SLC44A5: variants seen among roughly 807,000 people sequenced by gnomAD.
SLC44A5 encodes solute carrier family 44 member 5.
SLC44A5 carries 57 observed loss-of-function variants against 101.8 expected under a neutral mutation model. That is an observed-to-expected ratio of 0.56 (90% CI 0.45 to 0.70). The LOEUF (loss-of-function observed/expected upper bound fraction) is 0.70. Ranked by LOEUF, SLC44A5 falls within the 30% of genes least tolerant of loss-of-function variation. The pLI is 0.00. For synonymous variants in SLC44A5, 281 were observed against 290.9 expected, an observed-to-expected ratio of 0.97 and a Z score of 0.35; for missense variants, 737 against 853.1, an observed-to-expected ratio of 0.86 and a Z score of 1.70.
At chr1:75,573,626 A>G (rs1381232620) in intron 1 of SLC44A5, among the ~76,000 whole-genome samples, 1 of 152,156 alleles carries the variant, frequency 6.6e-6, no homozygotes, top group Non-Finnish European at 1.5e-5. Context: ...CGTCCTGACT[A>G]CTAAAAGTGA....
intron 2 of SLC44A5, among the ~76,000 whole-genome samples, chr1:75,493,475 A>C (rs1314104697): frequency 6.6e-6 from 1 of 152,232 alleles, no homozygotes; most frequent in Non-Finnish European, 1.5e-5. Flanking sequence ...GAAGAAATAG[A>C]TAAATCAGCA....
At chr1:75,385,466 G>A (rs1411545978) in intron 3 of SLC44A5, among the ~76,000 whole-genome samples, 1 of 152,012 alleles carries the variant, frequency 6.6e-6, no homozygotes, top group Non-Finnish European at 1.5e-5. Flanking sequence ...AGAAGAAATG[G>A]ATAAATTCCT....
At chr1:75,259,741 G>A (rs2100683771) in intron 6 of SLC44A5, among the ~76,000 whole-genome samples, 1 of 152,050 alleles carries the variant, frequency 6.6e-6, no homozygotes, top group Non-Finnish European at 1.5e-5. Flanking sequence ...GATTCACCAA[G>A]GTTGAAATAA....
chr1:75,676,509 T>C, the SLC44A5 span, among the ~76,000 whole-genome samples: 2 of 151,964 alleles, frequency 1.3e-5, no homozygotes, highest in African/African-American at 4.8e-5. Flanking sequence ...CATAGAAACA[T>C]AGGGTGGAGA....
the SLC44A5 span, among the ~76,000 whole-genome samples, chr1:75,631,305 G>C: frequency 6.6e-6 from 1 of 152,102 alleles, no homozygotes; most frequent in African/African-American, 2.4e-5. Context: ...AGTGCATCTT[G>C]TTGTCTACCA....
chr1:75,532,402 G>A (rs1570544438), intron 2 of SLC44A5, among the ~76,000 whole-genome samples: 1 of 71,568 alleles, frequency 1.4e-5, no homozygotes, highest in East Asian at 4.7e-4. Context: ...CGGTTGTTCT[G>A]AAAATTAAAT....
chr1:75,522,910 G>A (rs1670216229), intron 2 of SLC44A5, among the ~76,000 whole-genome samples: 1 of 152,152 alleles, frequency 6.6e-6, no homozygotes, highest in Admixed American at 6.5e-5. Context: ...TAGAAAGAAG[G>A]AAAGATACTC....
At chr1:75,302,121 T>TG (rs1370605314) in intron 4 of SLC44A5, among the ~76,000 whole-genome samples, 2 of 138,758 alleles carry the variant, frequency 1.4e-5, no homozygotes, top group Admixed American at 7.4e-5. Flanking sequence ...TGTTTTTTTT[T>TG]TTTTTTTTTT....
chr1:75,693,713 A>G, the SLC44A5 span, among the ~76,000 whole-genome samples: 1 of 152,164 alleles, frequency 6.6e-6, no homozygotes, highest in Non-Finnish European at 1.5e-5. Flanking sequence ...AAACTAGCAA[A>G]GGAAAAAGAC....
At chr1:75,247,742 G>T (rs1570463533) in intron 7 of SLC44A5, among the ~76,000 whole-genome samples, 2 of 151,976 alleles carry the variant, frequency 1.3e-5, no homozygotes, top group East Asian at 3.9e-4. Context: ...AGGTGGGATT[G>T]ATTAAATACT....
At chr1:75,313,533 C>G (rs1302819986) in intron 4 of SLC44A5, among the ~76,000 whole-genome samples, 3 of 152,102 alleles carry the variant, frequency 2.0e-5, no homozygotes, top group Non-Finnish European at 4.4e-5. Context: ...TGGCTTTAGT[C>G]CCTGAGGATC....
At chr1:75,252,839 C>T (rs1272388362) in intron 6 of SLC44A5, among the ~76,000 whole-genome samples, 4 of 152,178 alleles carry the variant, frequency 2.6e-5, no homozygotes, top group African/African-American at 4.8e-5. Context: ...GGACTTGAGC[C>T]TCCCTGGTGG....
rs139131880 is a variant in SLC44A5, at chr1:75,448,501, A to C, written c.14-51880T>G. On this transcript the variant is annotated intron_variant, in intron 2 of 23. Transcript: ENST00000370859. ...AACTCAGAGTGACGTAGGTGGCACTATCTCTAAATGGAAGAAAGGAATAAT... is the reference window on the plus strand; with the variant it reads ...AACTCAGAGTGACGTAGGTGGCACTCTCTCTAAATGGAAGAAAGGAATAAT... Among the ~76,000 whole-genome samples, 804 of 152,336 alleles carry C rather than the reference A, an allele frequency of 5.3e-3. 6 individuals are homozygous for C. The highest frequency in any genetic ancestry group is 0.018 in the African/African-American group (756 of 41,576).
intron 20 of SLC44A5, 108 bp downstream of exon 20, chr1:75,214,497 T>C (rs1642105163): frequency 2.7e-6 from 2 of 733,902 alleles, no homozygotes; most frequent in Non-Finnish European, 4.3e-6. Context: ...TAAAAGATAA[T>C]ATTCATATCC....
intron 2 of SLC44A5, among the ~76,000 whole-genome samples, chr1:75,496,046 T>C (rs1343656286): frequency 2.6e-5 from 4 of 151,854 alleles, no homozygotes; most frequent in Non-Finnish European, 5.9e-5. Context: ...ATCTCATTCA[T>C]CCTTTTTTTT....
chr1:75,681,388 A>T, the SLC44A5 span, among the ~76,000 whole-genome samples: 1 of 152,020 alleles, frequency 6.6e-6, no homozygotes, highest in African/African-American at 2.4e-5. Context: ...ATCCAGCAGC[A>T]CATCAAAAAG....
chr1:75,645,020 G>A, the SLC44A5 span, among the ~76,000 whole-genome samples: 3,114 of 152,140 alleles, frequency 0.02, 54 homozygotes, highest in Middle Eastern at 0.048. Flanking sequence ...TTAATCCAGT[G>A]TATCATTGTT....
At chr1:75,317,420 T>A (rs1655780969) in intron 4 of SLC44A5, among the ~76,000 whole-genome samples, 1 of 152,226 alleles carries the variant, frequency 6.6e-6, no homozygotes. Flanking sequence ...TAGATAAAAA[T>A]TAGTTAGAAA....
chr1:75,423,518 T>C (rs1664133576), intron 2 of SLC44A5, among the ~76,000 whole-genome samples: 3 of 152,252 alleles, frequency 2.0e-5, no homozygotes, highest in Admixed American at 2.0e-4. Flanking sequence ...AACTAGAGTC[T>C]ATGATTTAAG....
Sources: allele counts gnomAD v4.1 joint callset (sites outside exome capture counted in the v4.1 genomes callset), GRCh38; gene constraint gnomAD v4.1.1; transcripts MANE v1.5; gene names NCBI Gene and HGNC (gene_info 2026-07-23, HGNC 2026-07-21).